The following FHIT variants were observed in gnomAD, a reference collection of about 807,000 sequenced individuals.
The protein encoded by FHIT is fragile histidine triad diadenosine triphosphatase, also known as bis(5'-adenosyl)-triphosphatase.
In FHIT, 19 loss-of-function variants were observed where a neutral mutation model predicts 17.9. The observed-to-expected ratio is 1.06, with a 90% CI of 0.74 to 1.56. The LOEUF (loss-of-function observed/expected upper bound fraction) is 1.56, where lower values mean the gene tolerates loss of function less well. FHIT is among the 40% of genes most tolerant of loss of function. FHIT has a pLI of 0.00. For synonymous variants in FHIT, 81 were observed against 69.7 expected (o/e 1.16, Z -0.81); for missense variants, 248 against 189.2 (o/e 1.31, Z -1.82).
Position 60,373,648 on chromosome 3 carries a change from C to A in FHIT, c.103+163212G>T, listed in dbSNP as rs147319916. 1.5e-4 allele frequency among the ~76,000 whole-genome samples: 23 copies of A among 152,184 alleles called. 2 individuals carry two copies. In the East Asian group the frequency reaches 4.5e-3, roughly 29 times the overall value. On this transcript the variant is annotated intron_variant, in intron 5 of 9. Coordinates refer to ENST00000492590, the MANE Select transcript of FHIT (RefSeq NM_002012.4). Reference sequence around the variant, plus strand: ...CTCATCTTGGTGGTAGTAGGGAGACCAGCAATTGTCCCCAAAATGTCCAGT... The same window carrying A: ...CTCATCTTGGTGGTAGTAGGGAGACAAGCAATTGTCCCCAAAATGTCCAGT...
intron 5 of FHIT, among the ~76,000 whole-genome samples, chr3:60,341,358 A>T (rs148058197): frequency 1.3e-3 from 202 of 152,336 alleles, no homozygotes; most frequent in African/African-American, 4.6e-3. Flanking sequence ...ATAAAAACTG[A>T]GAAATTAAAA....
intron 4 of FHIT, among the ~76,000 whole-genome samples, chr3:60,575,378 T>C (rs1041291161): frequency 6.6e-5 from 10 of 152,086 alleles, no homozygotes; most frequent in Admixed American, 3.3e-4. Flanking sequence ...AACAATTCCA[T>C]TTTTTTCTTT....
rs71092647 is a variant in FHIT, at chr3:60,859,723, A to ATTTTTTTTTTTTTTTTTTTTTTTTTTTTT, written c.-110-37741_-110-37713dup. On this transcript the variant is annotated intron_variant, in intron 3 of 9. Coordinates refer to ENST00000492590, the MANE Select transcript of FHIT (RefSeq NM_002012.4). ...ACATTTGCAGTGGATTCTGAATACG[A>ATTTTTTTTTTTTTTTTTTTTTTTTTTTTT]TTTTTTTTTTTTTTTTTTTTTTTTT... Among the ~76,000 whole-genome samples the ATTTTTTTTTTTTTTTTTTTTTTTTTTTTT allele has an allele frequency of 5.8e-5, 3 of 51,926 alleles. 1 individual carries two copies. The highest frequency in any genetic ancestry group is 7.6e-5 in the African/African-American group (1 of 13,222). 34.1% of individuals were successfully genotyped at this position (51,926 alleles called of 152,430 possible).
chr3:60,495,607 T>C (rs1446906524), intron 5 of FHIT, among the ~76,000 whole-genome samples: 1 of 152,026 alleles, frequency 6.6e-6, no homozygotes, highest in Non-Finnish European at 1.5e-5. Context: ...ACCTACATTG[T>C]GTTCATAACT....
chr3:60,955,136 G>A (rs1439473698), intron 3 of FHIT, among the ~76,000 whole-genome samples: 1 of 152,066 alleles, frequency 6.6e-6, no homozygotes, highest in East Asian at 1.9e-4. Context: ...AGGCTAGAAT[G>A]ACCCTTAATG....
At chr3:60,335,808 T>G (rs1347176221) in intron 5 of FHIT, among the ~76,000 whole-genome samples, 4 of 152,108 alleles carry the variant, frequency 2.6e-5, no homozygotes, top group African/African-American at 9.7e-5. Context: ...AGAATTACTT[T>G]GGTGACCTAC....
chr3:60,200,353 T>C (rs1019016113), intron 5 of FHIT, among the ~76,000 whole-genome samples: 4 of 152,140 alleles, frequency 2.6e-5, no homozygotes, highest in Non-Finnish European at 1.5e-5. Context: ...AATTCTGCTC[T>C]ACCATGTTGG....
chr3:59,765,031 A>ACCTT (rs1701725840), intron 8 of FHIT, among the ~76,000 whole-genome samples: 1 of 152,164 alleles, frequency 6.6e-6, no homozygotes, highest in Non-Finnish European at 1.5e-5. Context: ...TATGTACCTA[A>ACCTT]CCTTCCAATT....
At chr3:60,108,802 C>G (rs1011754175) in intron 5 of FHIT, among the ~76,000 whole-genome samples, 1 of 151,848 alleles carries the variant, frequency 6.6e-6, no homozygotes, top group Non-Finnish European at 1.5e-5. Context: ...TAGCTGGGAT[C>G]ACAGGTGTGC....
intron 4 of FHIT, among the ~76,000 whole-genome samples, chr3:60,705,110 G>A (rs62251539): frequency 0.11 from 16,636 of 150,658 alleles, 1,934 homozygotes; most frequent in African/African-American, 0.3. Flanking sequence ...TGTAAACATA[G>A]GAGAAACCAC....
At chr3:60,626,007 A>G (rs1195779968) in intron 4 of FHIT, among the ~76,000 whole-genome samples, 1 of 152,168 alleles carries the variant, frequency 6.6e-6, no homozygotes, top group African/African-American at 2.4e-5. Flanking sequence ...TTTTACCATG[A>G]ATTGTCTTGG....
At chr3:61,118,653 T>C (rs113490627) in intron 2 of FHIT, among the ~76,000 whole-genome samples, 3 of 152,164 alleles carry the variant, frequency 2.0e-5, no homozygotes, top group African/African-American at 7.2e-5. Flanking sequence ...CTTTCCACTT[T>C]GTAACTTTGA....
chr3:60,759,874 C>T (rs781649406), intron 4 of FHIT, among the ~76,000 whole-genome samples: 51 of 152,142 alleles, frequency 3.4e-4, no homozygotes, highest in Non-Finnish European at 6.2e-4. Flanking sequence ...AGCAGAGAAA[C>T]GTGGGAGCTG....
intron 5 of FHIT, among the ~76,000 whole-genome samples, chr3:60,229,783 T>G (rs1704403037): frequency 1.3e-5 from 2 of 152,158 alleles, no homozygotes; most frequent in Non-Finnish European, 2.9e-5. Flanking sequence ...CATTGAAGAC[T>G]GGCCTGGGAA....
At chr3:60,498,223 GAAAGT>G (rs1210174926) in intron 5 of FHIT, among the ~76,000 whole-genome samples, 6 of 152,100 alleles carry the variant, frequency 3.9e-5, no homozygotes, top group Non-Finnish European at 7.4e-5. Flanking sequence ...TCCAATCTTT[GAAAGT>G]AAAGTTTTAT....
intron 2 of FHIT, among the ~76,000 whole-genome samples, chr3:61,143,258 C>T (rs559712021): frequency 1.3e-5 from 2 of 152,076 alleles, no homozygotes; most frequent in African/African-American, 2.4e-5. Context: ...GGAAGGATTA[C>T]TGGGAAAGAA....
intron 5 of FHIT, among the ~76,000 whole-genome samples, chr3:60,424,291 C>G (rs1410431755): frequency 6.6e-6 from 1 of 152,060 alleles, no homozygotes; most frequent in Non-Finnish European, 1.5e-5. Flanking sequence ...ATACAGAGAG[C>G]AGTCTGGGGA....
At chr3:59,952,919 GTTCC>G (rs2107313960) in intron 7 of FHIT, among the ~76,000 whole-genome samples, 1 of 152,066 alleles carries the variant, frequency 6.6e-6, no homozygotes, top group South Asian at 2.1e-4. Context: ...TGAAGCCTAC[GTTCC>G]TTGAGTAGAA....
At chr3:60,063,087 C>A (rs1421465735) in intron 5 of FHIT, among the ~76,000 whole-genome samples, 1 of 152,130 alleles carries the variant, frequency 6.6e-6, no homozygotes. Context: ...AATTGCACAT[C>A]CTGTTAAGTA....
Sources: allele counts gnomAD v4.1 joint callset (sites outside exome capture counted in the v4.1 genomes callset), GRCh38; gene constraint gnomAD v4.1.1; transcripts MANE v1.5; gene names NCBI Gene and HGNC (gene_info 2026-07-23, HGNC 2026-07-21).